CDON: variants seen among roughly 807,000 people sequenced by gnomAD.
CDON encodes cell adhesion associated, oncogene regulated.
In CDON, 73 loss-of-function variants were observed where a neutral mutation model predicts 120.9. The observed-to-expected ratio is 0.60, with a 90% CI of 0.50 to 0.73. The LOEUF is 0.73. CDON is among the 30% of genes least tolerant of loss of function. The probability of loss-of-function intolerance (pLI) is 0.00; values close to 1 mark genes in which losing one functional copy is unlikely to be tolerated. For missense variants in CDON, 1,470 were observed against 1,587.3 expected (o/e 0.93, Z 1.26); for synonymous variants, 566 against 573.5 (o/e 0.99, Z 0.19).
At chr11:126,002,401 T>C (rs990756179) in intron 10 of CDON, among the ~76,000 whole-genome samples, 3 of 152,238 alleles carry the variant, frequency 2.0e-5, no homozygotes, top group African/African-American at 4.8e-5. Flanking sequence ...ACTCGTTATT[T>C]TTCTGGCCAG....
chr11:126,046,063 C>T (rs533327002), intron 1 of CDON, among the ~76,000 whole-genome samples: 36 of 152,288 alleles, frequency 2.4e-4, no homozygotes, highest in African/African-American at 8.4e-4. Flanking sequence ...TCAATTAAGA[C>T]ATATTCACTG....
intron 15 of CDON, among the ~76,000 whole-genome samples, chr11:125,986,444 G>C (rs1946461716): frequency 6.6e-6 from 1 of 152,052 alleles, no homozygotes; most frequent in Non-Finnish European, 1.5e-5. Flanking sequence ...AAAAAAAAGA[G>C]GAAAAACCAG....
chr11:125,981,965 A>ATTTTTTTTTTT (rs1591562448), intron 16 of CDON, among the ~76,000 whole-genome samples: 1 of 34,426 alleles, frequency 2.9e-5, no homozygotes, highest in African/African-American at 8.2e-5. Flanking sequence ...AAGTGATTCT[A>ATTTTTTTTTTT]TTTTCTTTTT....
At chr11:125,984,827 CCAATAT>C (rs560146705) in intron 15 of CDON, among the ~76,000 whole-genome samples, 56 of 152,180 alleles carry the variant, frequency 3.7e-4, no homozygotes, top group African/African-American at 1.3e-3. Context: ...AAATTCACTA[CCAATAT>C]TAGAAGTTAT....
intron 15 of CDON, among the ~76,000 whole-genome samples, chr11:125,984,974 G>A (rs976628963): frequency 3.3e-5 from 5 of 152,030 alleles, no homozygotes; most frequent in East Asian, 3.9e-4. Flanking sequence ...GGGTAATAGC[G>A]ATAACGAAAG....
chr11:125,963,939 A>G (rs1945719793), intron 18 of CDON, among the ~76,000 whole-genome samples: 1 of 152,232 alleles, frequency 6.6e-6, no homozygotes, highest in Non-Finnish European at 1.5e-5. Context: ...TAGATGTGTC[A>G]TGACTACAGA....
chr11:126,060,697 T>A (rs534986261), intron 1 of CDON, among the ~76,000 whole-genome samples: 1 of 152,318 alleles, frequency 6.6e-6, no homozygotes, highest in Admixed American at 6.5e-5. Context: ...AGTCAACAAA[T>A]TTTTACCTGC....
At chr11:125,974,528 C>G (rs924604120) in intron 18 of CDON, among the ~76,000 whole-genome samples, 4 of 151,552 alleles carry the variant, frequency 2.6e-5, no homozygotes, top group African/African-American at 7.3e-5. Context: ...GAAAAAATAA[C>G]AAAAGATATG....
chr11:126,004,120 A>T, intron 9 of CDON, 44 bp from the exon 10 acceptor site: 2 of 1,588,688 alleles, frequency 1.3e-6, no homozygotes. Context: ...CAGGAGATGG[A>T]GGATAGGAAA....
intron 18 of CDON, among the ~76,000 whole-genome samples, chr11:125,971,280 G>A (rs954755425): frequency 1.3e-5 from 2 of 152,000 alleles, no homozygotes; most frequent in African/African-American, 4.8e-5. Flanking sequence ...CAACTCAGGA[G>A]GCTGAGGCAG....
At chr11:125,968,897 A>T (rs1945881021) in intron 18 of CDON, among the ~76,000 whole-genome samples, 1 of 152,232 alleles carries the variant, frequency 6.6e-6, no homozygotes, top group African/African-American at 2.4e-5. Context: ...AAATGGCTTT[A>T]ACTTAGGGGT....
chr11:126,025,484 G>T (rs966053265), intron 1 of CDON, among the ~76,000 whole-genome samples: 2 of 152,162 alleles, frequency 1.3e-5, no homozygotes, highest in African/African-American at 4.8e-5. Context: ...AAAACAGGGA[G>T]AATTGCTGAA....
intron 8 of CDON, among the ~76,000 whole-genome samples, chr11:126,008,003 G>A (rs756942993): frequency 5.5e-4 from 83 of 152,104 alleles, no homozygotes; most frequent in Non-Finnish European, 9.0e-4. Flanking sequence ...TAAATTTAAT[G>A]ACTCTAAGTG....
upstream of CDON, among the ~76,000 whole-genome samples, chr11:126,063,075 G>A (rs1048606206): frequency 2.0e-5 from 3 of 152,006 alleles, no homozygotes; most frequent in African/African-American, 7.2e-5. Flanking sequence ...AGCGGCGGGG[G>A]CACGGGCCGT....
At chr11:126,053,358 TG>T (rs1948611963) in intron 1 of CDON, among the ~76,000 whole-genome samples, 1 of 152,192 alleles carries the variant, frequency 6.6e-6, no homozygotes, top group Non-Finnish European at 1.5e-5. Context: ...CAGGGTTTAC[TG>T]GAACTACTGC....
In CDON at chr11:125,983,922, A is replaced by G. The variant is rs1386816918; in HGVS notation, c.2945T>C (p.Val982Ala). 6.2e-7 allele frequency: 1 copy of G among 1,614,056 alleles called. No homozygotes were observed. The highest frequency in any genetic ancestry group is 1.1e-5 in the South Asian group (1 of 91,064). Reference protein sequence around the residue: ...VLGVMVLILMVFIAMCLWKNR... With the variant: ...VLGVMVLILMAFIAMCLWKNR... ...CTTCCACAGGCACATTGCAATGAAA[A>G]CCATCAGAATGAGGACCATGACGCC... Residue 982 changes from valine (V) to alanine (A), a missense_variant, in exon 16 of 20, where the codon GTT (valine) becomes GCT (alanine). Physicochemically the swap from Val to Ala is moderately conservative, Grantham distance 64. Transcript: ENST00000531738.
At position 125,961,005 on chromosome 11, in the gene CDON, C is replaced by A. The variant is rs1467326139; in HGVS notation, c.3732G>T (p.Trp1244Cys). The A allele has an allele frequency of 3.7e-6, 6 of 1,614,066 alleles. No individual in the cohort carries two copies. The highest frequency in any genetic ancestry group is 5.1e-6 in the Non-Finnish European group (6 of 1,179,964). ...TGTCTAAAGGAATGCCAGGTGGAGA[C>A]CACATTGTCTTCTCAGCACAGCCCT... ...VPEGCAEKTM[W>C]SPPGIPLDSP... Residue 1244 changes from tryptophan (W) to cysteine (C), a missense_variant, in exon 20 of 20, where the codon TGG becomes TGT. Coordinates refer to ENST00000531738, the MANE Select transcript of CDON (RefSeq NM_001378964.1).
At chr11:126,011,247 C>T (rs1947293447) in intron 7 of CDON, among the ~76,000 whole-genome samples, 1 of 152,130 alleles carries the variant, frequency 6.6e-6, no homozygotes, top group African/African-American at 2.4e-5. Flanking sequence ...TAAAGTGGCA[C>T]CAAATCTTTC....
At position 125,989,634 on chromosome 11, in the gene CDON, T is replaced by C. The variant is rs1400859165; in HGVS notation, c.2773+3A>G. On this transcript the variant is annotated splice_donor_region_variant and intron_variant, in intron 15 of 19. Coordinates refer to ENST00000531738, the MANE Select transcript of CDON (RefSeq NM_001378964.1). Reference sequence around the variant, plus strand: ...GTCCAGGGAAAAGCAAAAATTCTCCTACCTTTAGTCTCGCAGATCATCACA... The same window carrying C: ...GTCCAGGGAAAAGCAAAAATTCTCCCACCTTTAGTCTCGCAGATCATCACA... 6.2e-7 allele frequency: 1 copy of C among 1,612,546 alleles called. No individual in the cohort carries two copies. The highest frequency in any genetic ancestry group is 1.7e-5 in the Admixed American group (1 of 59,970).
Sources: allele counts gnomAD v4.1 joint callset (sites outside exome capture counted in the v4.1 genomes callset), GRCh38; gene constraint gnomAD v4.1.1; transcripts MANE v1.5; gene names NCBI Gene and HGNC (gene_info 2026-07-23, HGNC 2026-07-21).